The following TTN variants were observed in gnomAD, a reference collection of about 807,000 sequenced individuals.
TTN encodes the protein titin, also known as connectin.
In TTN, 1,525 loss-of-function variants were observed where a neutral mutation model predicts 3,223.0. The observed-to-expected ratio is 0.47, with a 90% confidence interval of 0.45 to 0.49. The LOEUF (loss-of-function observed/expected upper bound fraction) is 0.49, where lower values mean the gene tolerates loss of function less well. Ranked by LOEUF, TTN falls within the 20% of genes least tolerant of loss-of-function variation. The pLI, the probability that TTN is intolerant of heterozygous loss-of-function variation, is 0.00. For missense variants in TTN, 40,786 were observed against 43,424.0 expected, an observed-to-expected ratio of 0.94 and a Z score of 5.40; for synonymous variants, 14,094 against 15,161.0, an observed-to-expected ratio of 0.93 and a Z score of 5.17.
At position 178,560,522 on chromosome 2, in the gene TTN, A is replaced by G; in HGVS notation, c.85610T>C (p.Leu28537Pro). 1 of 1,613,248 alleles carries G rather than the reference A, an allele frequency of 6.2e-7. No homozygotes were observed. Among genetic ancestry groups the G allele is most frequent in the East Asian group, 2.2e-5 (1 of 44,756 alleles). Residue 28537 changes from leucine to proline, a missense_variant, in exon 326 of 363, where the codon CTA becomes CCA. Coordinates refer to ENST00000589042, the MANE Select transcript of TTN (RefSeq NM_001267550.2). ...TAGTGCCTTTATAGCTACACTCTCT[A>G]GGGGCTCACCAACACCATATTTATT... is the stretch of plus-strand genomic sequence containing the variant. ...GVNKYGVGEP[L>P]ESVAIKALDP... is the part of the protein sequence containing the mutation.
Position 178,651,155 on chromosome 2 carries a change from G to A in TTN, c.39625+88C>T. On this transcript the variant is annotated intron_variant, in intron 208 of 362. Coordinates refer to ENST00000589042, the MANE Select transcript of TTN (RefSeq NM_001267550.2). ...GACAGTTTTGTAGTTGCAAATTTAA[G>A]AGGACTCGCAAACAAAAGGTTTGAT... is the stretch of plus-strand genomic sequence containing the variant. The A allele has an allele frequency of 2.7e-6, 3 of 1,093,514 alleles. No individual in the cohort carries two copies. In the East Asian group the frequency reaches 7.2e-5, roughly 26 times the overall value. 67.7% of individuals were successfully genotyped at this position (1,093,514 alleles called of 1,614,324 possible).
At chr2:178,663,733 A>G in intron 170 of TTN, 23 bp from the exon 171 acceptor site, 1 of 1,612,898 alleles carries the variant, frequency 6.2e-7, no homozygotes, top group South Asian at 1.1e-5. Flanking sequence ...TAGCAAAATT[A>G]CATTCAGAAG....
chr2:178,546,687 C>T lies in TTN; in HGVS notation c.94741G>A (p.Glu31581Lys), dbSNP rs1417917395. The change falls in exon 341 of 363, where the codon GAG (glutamate) becomes AAG (lysine). Residue 31581 changes from glutamate to lysine, a missense_variant. Glu to Lys is a moderately conservative substitution (Grantham distance 56). Coordinates refer to ENST00000589042, the MANE Select transcript of TTN (RefSeq NM_001267550.2). ...VTALSEGDTY[E>K]FRVLAKNAAG... is the part of the protein sequence containing the mutation. Reference sequence around the variant, plus strand: ...GCATTCTTGGCTAACACACGGAACTCATAAGTGTCTCCTTCACTGAGAGCA... The same window carrying T: ...GCATTCTTGGCTAACACACGGAACTTATAAGTGTCTCCTTCACTGAGAGCA... 7 of 1,613,784 alleles carry T rather than the reference C, an allele frequency of 4.3e-6. No homozygotes were observed. Among genetic ancestry groups the T allele is most frequent in the Non-Finnish European group, 5.1e-6 (6 of 1,179,762 alleles).
chr2:178,675,582 T>C, intron 149 of TTN, 89 bp downstream of exon 149: 1 of 1,017,834 alleles, frequency 9.8e-7, no homozygotes, highest in South Asian at 3.1e-5. Flanking sequence ...GACCATACAA[T>C]GCACACATTT....
At position 178,678,203 on chromosome 2, in the gene TTN, C is replaced by G. The variant is rs775481895; in HGVS notation, c.33916G>C (p.Glu11306Gln). Residue 11306 changes from glutamate to glutamine, a missense_variant, in exon 145 of 363, where the codon GAG becomes CAG. By Grantham distance (29) the Glu-to-Gln change is conservative. Transcript: ENST00000589042. ...TCTGGGATGAGCTTCTTGGGCACCT[C>G]TGGCACTTTAAAGATATTATTTATA... Reference protein sequence around the residue: ...KVEAPPAKVPEVPKKLIPEEK... With the variant: ...KVEAPPAKVPQVPKKLIPEEK... 6.2e-7 allele frequency: 1 copy of G among 1,606,968 alleles called. No homozygotes were observed. Among genetic ancestry groups the G allele is most frequent in the East Asian group, 2.2e-5 (1 of 44,782 alleles).
chr2:178,561,129 A>C lies in TTN; in HGVS notation c.85003T>G (p.Ser28335Ala), dbSNP rs147895770. The part of the protein sequence containing the change: ...FRVFARNAAD[S>A]VSEPSESTGP... ...GTGGATTCAGATGGCTCACTAACTG[A>C]GTCAGCAGCATTCCTTGCAAAAACC... The change falls in exon 326 of 363, where the codon TCA becomes GCA. Residue 28335 changes from serine to alanine, a missense_variant. Transcript: ENST00000589042. 68 of 1,613,818 alleles carry C rather than the reference A, an allele frequency of 4.2e-5. No individual in the cohort carries two copies. The East Asian group carries it at 1.5e-3, about 35-fold the overall frequency.
At chr2:178,675,218 C>T in intron 149 of TTN, 105 bp from the exon 150 acceptor site, 1 of 643,306 alleles carries the variant, frequency 1.6e-6, no homozygotes, top group Non-Finnish European at 2.6e-6. Context: ...TCACAAGGCA[C>T]ATACACAAGA....
chr2:178,769,637 T>A (rs960308076), intron 37 of TTN, 42 bp downstream of exon 37: 22 of 1,297,136 alleles, frequency 1.7e-5, no homozygotes, highest in African/African-American at 1.1e-4. Context: ...ATTTGATATT[T>A]TATATATATG....
At chr2:178,583,527 T>A in intron 312 of TTN, 80 bp downstream of exon 312, 1 of 1,353,752 alleles carries the variant, frequency 7.4e-7, no homozygotes, top group Non-Finnish European at 9.8e-7. Context: ...TCCTTAGGTG[T>A]ATATTTAGTT....
intron 2 of TTN, among the ~76,000 whole-genome samples, 165 bp from the exon 3 acceptor site, chr2:178,802,506 C>A (rs1280986220): frequency 6.6e-6 from 1 of 152,194 alleles, no homozygotes; most frequent in African/African-American, 2.4e-5. Flanking sequence ...AGTGTGTAAA[C>A]CTGCAGACCA....
intron 281 of TTN, 132 bp downstream of exon 281, chr2:178,604,576 A>T: frequency 9.6e-7 from 1 of 1,045,160 alleles, no homozygotes; most frequent in Non-Finnish European, 1.3e-6. Context: ...GCTAAACACT[A>T]CAATAACAAA....
chr2:178,790,212 C>T, intron 11 of TTN, 97 bp from the exon 12 acceptor site: 2 of 1,344,550 alleles, frequency 1.5e-6, no homozygotes, highest in Non-Finnish European at 2.0e-6. Context: ...AAAATTTCTT[C>T]CTATTCAAGG....
intron 55 of TTN, 47 bp from the exon 56 acceptor site, chr2:178,732,765 A>G (rs1269703075): frequency 6.4e-7 from 1 of 1,563,454 alleles, no homozygotes; most frequent in African/African-American, 1.4e-5. Flanking sequence ...AAGAGGGTTG[A>G]TCTAAGGGAA....
chr2:178,681,294 G>T (rs763539669), intron 137 of TTN, 82 bp downstream of exon 137: 33 of 1,458,324 alleles, frequency 2.3e-5, no homozygotes, highest in Non-Finnish European at 3.0e-5. Flanking sequence ...CAAAAACACA[G>T]ACCATCAGAC....
At position 178,548,684 on chromosome 2, in the gene TTN, A is replaced by G; in HGVS notation, c.92942T>C (p.Leu30981Pro). 11 of 1,613,842 alleles carry G rather than the reference A, an allele frequency of 6.8e-6. No homozygotes were observed. The highest frequency in any genetic ancestry group is 9.3e-6 in the Non-Finnish European group (11 of 1,179,782). The change falls in exon 339 of 363, where the codon CTC (leucine) becomes CCC (proline). Residue 30981 changes from leucine (L) to proline (P), a missense_variant. Leu to Pro is a moderately conservative substitution (Grantham distance 98). Coordinates refer to ENST00000589042, the MANE Select transcript of TTN (RefSeq NM_001267550.2). The surrounding 1 kb of genome is among the most constrained non-coding windows in gnomAD (Gnocchi z 4.3). ...ATTTCTGTTGCAGTTTTCCACAGTGAGGGTGCTGAAGGAATCTGTTGTATG... is the reference window on the plus strand; with the variant it reads ...ATTTCTGTTGCAGTTTTCCACAGTGGGGGTGCTGAAGGAATCTGTTGTATG... ...DIHTTDSFST[L>P]TVENCNRNDA...
At chr2:178,604,336 A>G (rs767139667) in intron 281 of TTN, 31 bp from the exon 282 acceptor site, 6 of 1,423,888 alleles carry the variant, frequency 4.2e-6, no homozygotes, top group Non-Finnish European at 1.8e-6. Context: ...AATTTATTGA[A>G]GAGAATATAC....
chr2:178,731,688 C>T lies in TTN; in HGVS notation c.17182+5G>A. The stretch of plus-strand genomic sequence containing the variant: ...AGCCAGTCCCTCACTGGAACCAACA[C>T]TAACCTCTTAAAGTCACCCTGGCAC... On this transcript the variant is annotated splice_donor_5th_base_variant and intron_variant, in intron 58 of 362. Transcript: ENST00000589042. 1 of 1,605,694 alleles carries T rather than the reference C, an allele frequency of 6.2e-7. No homozygotes were observed. The highest frequency in any genetic ancestry group is 1.3e-5 in the African/African-American group (1 of 74,862).
intron 19 of TTN, 28 bp from the exon 20 acceptor site, chr2:178,782,455 C>T: frequency 3.1e-6 from 5 of 1,613,968 alleles, no homozygotes; most frequent in Non-Finnish European, 4.2e-6. Context: ...CTCATATTAG[C>T]TTCCGGGTTG....
chr2:178,578,767 C>T lies in TTN; in HGVS notation c.68224+39G>A, dbSNP rs557736071. ...TTATAATAAGAAGCCTCCTCAAAAC[C>T]GTGTTTTGCTTTACGTCTTCTGAAT... is the stretch of plus-strand genomic sequence containing the variant. On this transcript the variant is annotated intron_variant, in intron 320 of 362. Transcript: ENST00000589042. 15 of 1,603,676 alleles carry T rather than the reference C, an allele frequency of 9.4e-6. No individual in the cohort carries two copies. The East Asian group carries it at 1.6e-4, about 17-fold the overall frequency.
Sources: allele counts gnomAD v4.1 joint callset (sites outside exome capture counted in the v4.1 genomes callset), GRCh38; gene constraint gnomAD v4.1.1; non-coding constraint Gnocchi (gnomAD v3.1); transcripts MANE v1.5; gene names NCBI Gene and HGNC (gene_info 2026-07-23, HGNC 2026-07-21).